ACSS3: variants seen among roughly 807,000 people sequenced by gnomAD.
ACSS3 encodes acyl-CoA synthetase short-chain family member 3, mitochondrial.
Under a neutral mutation model 84.2 loss-of-function variants are expected in ACSS3, and 64 were observed. The observed-to-expected ratio is 0.76, with a 90% CI of 0.62 to 0.94. The LOEUF is 0.94. Ranked by LOEUF, ACSS3 falls within the 40% of genes least tolerant of loss-of-function variation. The pLI, the probability that ACSS3 is intolerant of heterozygous loss-of-function variation, is 0.00. For synonymous variants in ACSS3, 317 were observed against 310.1 expected, an observed-to-expected ratio of 1.02 and a Z score of -0.23; for missense variants, 815 against 867.6, an observed-to-expected ratio of 0.94 and a Z score of 0.76.
At chr12:81,231,621 C>T (rs541607124) in intron 12 of ACSS3, among the ~76,000 whole-genome samples, 65 of 151,804 alleles carry the variant, frequency 4.3e-4, no homozygotes, top group African/African-American at 1.5e-3. Context: ...TTTGAATGTT[C>T]TCTGAGCTCT....
chr12:81,187,439 C>A (rs2031330703), intron 8 of ACSS3, among the ~76,000 whole-genome samples: 1 of 151,822 alleles, frequency 6.6e-6, no homozygotes, highest in Non-Finnish European at 1.5e-5. Context: ...GTCTTATCTA[C>A]TGCACAAATA....
At chr12:81,153,861 G>A (rs906453506) in intron 7 of ACSS3, among the ~76,000 whole-genome samples, 14 of 152,154 alleles carry the variant, frequency 9.2e-5, no homozygotes, top group Non-Finnish European at 1.2e-4. Flanking sequence ...TTAGCTGGCT[G>A]ATTTTCTGTC....
At position 81,253,656 on chromosome 12, in the gene ACSS3, G is replaced by T. The variant is rs1326330959; in HGVS notation, c.1981G>T (p.Gly661Cys). ...PRSALSAIVNGKPYKITSTIE... is the reference protein window; with the variant it reads ...PRSALSAIVNCKPYKITSTIE... ...ATCAGCTTTATCTGCCATTGTCAAT[G>T]GCAAGCCATACAAGGTAAATTATCA... is the stretch of plus-strand genomic sequence containing the variant. The change falls in exon 15 of 16, where the codon GGC becomes TGC. Residue 661 changes from glycine to cysteine, a missense_variant. Transcript: ENST00000548058. 1.2e-6 allele frequency: 2 copies of T among 1,613,270 alleles called. No homozygotes were observed. Among genetic ancestry groups the T allele is most frequent in the African/African-American group, 2.7e-5 (2 of 74,888 alleles).
At chr12:81,085,835 A>G (rs1222935194) in intron 1 of ACSS3, among the ~76,000 whole-genome samples, 3 of 152,200 alleles carry the variant, frequency 2.0e-5, no homozygotes, top group Non-Finnish European at 4.4e-5. Flanking sequence ...TGATGGTTAT[A>G]GTATCGTTCT....
chr12:81,217,549 A>G (rs1033184105), intron 10 of ACSS3, among the ~76,000 whole-genome samples: 8 of 152,190 alleles, frequency 5.3e-5, no homozygotes, highest in South Asian at 4.1e-4. Flanking sequence ...TTATTGTTTA[A>G]TAATAAAAAC....
chr12:81,179,859 C>T (rs570648839), intron 8 of ACSS3, among the ~76,000 whole-genome samples: 1 of 151,408 alleles, frequency 6.6e-6, no homozygotes, highest in East Asian at 1.9e-4. Flanking sequence ...GAGACTAGGT[C>T]ATTTATAAAG....
intron 11 of ACSS3, among the ~76,000 whole-genome samples, chr12:81,230,384 A>G (rs936003028): frequency 3.3e-5 from 5 of 151,886 alleles, no homozygotes; most frequent in Admixed American, 6.6e-5. Flanking sequence ...TGCCATGCAT[A>G]TAACACCTGT....
chr12:81,250,479 C>T (rs2034117635), intron 13 of ACSS3, among the ~76,000 whole-genome samples: 1 of 151,962 alleles, frequency 6.6e-6, no homozygotes, highest in Non-Finnish European at 1.5e-5. Context: ...TTTTAAAATA[C>T]TCCTTGCTTT....
chr12:81,080,763 G>T (rs909869949), intron 1 of ACSS3, among the ~76,000 whole-genome samples: 3 of 152,196 alleles, frequency 2.0e-5, no homozygotes, highest in Admixed American at 1.3e-4. Flanking sequence ...CTTTATATCC[G>T]CAAGATCTAA....
chr12:81,152,105 G>A lies in ACSS3; in HGVS notation c.1098+9G>A. The A allele has an allele frequency of 6.3e-7, 1 of 1,594,162 alleles. No individual in the cohort carries two copies. Among genetic ancestry groups the A allele is most frequent in the Non-Finnish European group, 8.6e-7 (1 of 1,164,386 alleles). On this transcript the variant is annotated intron_variant, in intron 7 of 15. Transcript: ENST00000548058. Reference sequence around the variant, plus strand: ...CAACAGTTTTATATGAGGTAATAAAGTAAAGTTAATACCACATATAAATGA... The same window carrying A: ...CAACAGTTTTATATGAGGTAATAAAATAAAGTTAATACCACATATAAATGA...
chr12:81,166,421 C>T (rs1164890582), intron 7 of ACSS3, among the ~76,000 whole-genome samples: 3 of 152,104 alleles, frequency 2.0e-5, no homozygotes, highest in African/African-American at 7.2e-5. Context: ...GTTTGTATGA[C>T]ATTGTGAAGT....
At chr12:81,100,937 T>C (rs1293346273) in intron 1 of ACSS3, among the ~76,000 whole-genome samples, 1 of 152,186 alleles carries the variant, frequency 6.6e-6, no homozygotes, top group African/African-American at 2.4e-5. Context: ...GGTATGAAAG[T>C]GCAATCTTAC....
At position 81,256,651 on chromosome 12, in the gene ACSS3, TAGAA is replaced by T. The variant is rs972789642; in HGVS notation, c.*1732_*1735del. 2 of 152,158 alleles carry T rather than the reference TAGAA, an allele frequency of 1.3e-5. No homozygotes were observed. Among genetic ancestry groups the T allele is most frequent in the African/African-American group, 2.4e-5 (1 of 41,440 alleles). The allele number at this position is 152,158 out of a possible 1,614,324, so 9.4% of individuals were successfully genotyped here. ...ATGTATGTGAGAGATAAATAGATAA[TAGAA>T]AGTTTATTGTTATAAAAATGACCTA... On this transcript the variant is annotated 3_prime_UTR_variant, in exon 16 of 16. Transcript: ENST00000548058.
intron 8 of ACSS3, among the ~76,000 whole-genome samples, chr12:81,197,970 T>C (rs568005718): frequency 2.7e-4 from 41 of 152,286 alleles, no homozygotes; most frequent in Non-Finnish European, 5.1e-4. Context: ...AGGTCACTGA[T>C]TGAGTCCATA....
At chr12:81,095,597 A>ATT (rs1225318191) in intron 1 of ACSS3, among the ~76,000 whole-genome samples, 2 of 152,202 alleles carry the variant, frequency 1.3e-5, no homozygotes, top group Non-Finnish European at 2.9e-5. Flanking sequence ...CTTTAAGATC[A>ATT]TTCATTCATG....
chr12:81,213,595 C>T (rs180887132), intron 9 of ACSS3, among the ~76,000 whole-genome samples: 667 of 10,194 alleles, frequency 0.065, 65 homozygotes, highest in African/African-American at 0.18. Flanking sequence ...CCCTCCCCTC[C>T]CCTCCCCTCC....
At position 81,156,209 on chromosome 12, in the gene ACSS3, C is replaced by CCACACA. The variant is rs34147790; in HGVS notation, c.1098+4129_1098+4134dup. ...AAACACACACACACACACACACACC[C>CCACACA]CACACACACACACACACACACGTCT... On this transcript the variant is annotated intron_variant, in intron 7 of 15. Coordinates refer to ENST00000548058, the MANE Select transcript of ACSS3 (RefSeq NM_024560.4). Among the ~76,000 whole-genome samples, 134 of 147,172 alleles carry CCACACA rather than the reference C, an allele frequency of 9.1e-4. 1 individual carries two copies. Among genetic ancestry groups the CCACACA allele is most frequent in the Middle Eastern group, 7.0e-3 (2 of 284 alleles).
intron 8 of ACSS3, among the ~76,000 whole-genome samples, chr12:81,179,733 T>TGCACTCCA (rs2030788407): frequency 7.3e-6 from 1 of 137,452 alleles, no homozygotes; most frequent in Admixed American, 8.3e-5. Flanking sequence ...ATCGCGCCAC[T>TGCACTCCA]GCACTCCAGC....
chr12:81,160,634 T>C (rs1415260085), intron 7 of ACSS3, among the ~76,000 whole-genome samples: 1 of 152,246 alleles, frequency 6.6e-6, no homozygotes, highest in East Asian at 1.9e-4. Context: ...TGAATCTTCT[T>C]CACTTTAATT....
Sources: gnomAD v4.1 joint callset for allele counts (sites outside exome capture counted in the v4.1 genomes callset) on GRCh38, gnomAD v4.1.1 for gene constraint, MANE v1.5 for transcripts, NCBI Gene and HGNC (gene_info 2026-07-23, HGNC 2026-07-21) for gene names.